The following ROBO2 variants were observed in gnomAD, a reference collection of about 807,000 sequenced individuals.
ROBO2 encodes the protein roundabout homolog 2.
ROBO2 carries 53 observed loss-of-function variants against 160.8 expected under a neutral mutation model. That is an observed-to-expected ratio of 0.33 (90% CI 0.26 to 0.41). ROBO2 has a LOEUF of 0.41. Ranked by LOEUF, ROBO2 falls within the 10% of genes least tolerant of loss-of-function variation. ROBO2 has a pLI of 1.00. For synonymous variants in ROBO2, 664 were observed against 611.7 expected (o/e 1.09, Z -1.26); for missense variants, 1,577 against 1,722.4 (o/e 0.92, Z 1.49).
At chr3:76,092,642 T>C (rs1221684191) in intron 2 of ROBO2, among the ~76,000 whole-genome samples, 1 of 152,182 alleles carries the variant, frequency 6.6e-6, no homozygotes. Flanking sequence ...CGAACTTGTT[T>C]CTGTTAGGAT....
At chr3:76,378,966 A>G (rs886092133) in intron 2 of ROBO2, among the ~76,000 whole-genome samples, 24 of 152,188 alleles carry the variant, frequency 1.6e-4, no homozygotes, top group African/African-American at 4.8e-4. Context: ...TTCTCACTAT[A>G]TTATCTAGGC....
intron 2 of ROBO2, among the ~76,000 whole-genome samples, chr3:77,216,019 C>T (rs1246827100): frequency 6.6e-6 from 1 of 152,260 alleles, no homozygotes; most frequent in Admixed American, 6.5e-5. Flanking sequence ...TTAGGCTACT[C>T]GGGGGTCAGG....
chr3:77,301,117 C>T (rs2062621200), intron 2 of ROBO2, among the ~76,000 whole-genome samples: 1 of 151,992 alleles, frequency 6.6e-6, no homozygotes, highest in African/African-American at 2.4e-5. Context: ...GATCCACCCA[C>T]CTTGGTCTCT....
chr3:77,642,931 G>C, intron 24 of ROBO2: 1 of 456,522 alleles, frequency 2.2e-6, no homozygotes, highest in South Asian at 1.5e-5. Flanking sequence ...ACACAAACAA[G>C]GTGTCGGATC....
chr3:76,257,983 CTT>C (rs1479396838), intron 2 of ROBO2, among the ~76,000 whole-genome samples: 3 of 152,046 alleles, frequency 2.0e-5, no homozygotes, highest in Non-Finnish European at 4.4e-5. Context: ...TATTGAGTCT[CTT>C]GAAAATTTTT....
chr3:77,203,268 A>C (rs1237131283), intron 2 of ROBO2, among the ~76,000 whole-genome samples: 1 of 152,160 alleles, frequency 6.6e-6, no homozygotes, highest in African/African-American at 2.4e-5. Context: ...CACACTTCTG[A>C]TTGTGTTGAC....
chr3:76,650,481 C>CTTTTTT (rs67171130), intron 2 of ROBO2, among the ~76,000 whole-genome samples: 3 of 146,728 alleles, frequency 2.0e-5, no homozygotes, highest in African/African-American at 2.5e-5. Flanking sequence ...CCTTCTTTCT[C>CTTTTTT]TTTTTTTTTT....
rs1274143178 is a variant in ROBO2, at chr3:77,562,807, G to A, written c.1519+75G>A. ...TCAATATCAAATAATAAGTTAAGGG[G>A]GGATCAAAGTGTTTAATTCACTGAA... On this transcript the variant is annotated intron_variant, in intron 10 of 25. Transcript: ENST00000461745. 1.2e-5 allele frequency: 13 copies of A among 1,058,382 alleles called. No homozygotes were observed. In the South Asian group the frequency reaches 1.4e-4, roughly 12 times the overall value. The allele number at this position is 1,058,382 out of a possible 1,614,324, so 65.6% of individuals were successfully genotyped here.
At chr3:77,410,675 CTCCTCCTCCTCT>C (rs1388866158) in intron 2 of ROBO2, among the ~76,000 whole-genome samples, 28 of 136,998 alleles carry the variant, frequency 2.0e-4, no homozygotes, top group African/African-American at 6.6e-4. Flanking sequence ...CCTCCTCTTC[CTCCTCCTCCTCT>C]TCCTCCTCCT....
Position 76,452,805 on chromosome 3 carries a change from T to C in ROBO2, c.109+515203T>C, listed in dbSNP as rs2077544018. ...CAGTCCCACCAACAGTGTAAAAGTG[T>C]TCCTATTTCTCCACATCCTCTCCAG... On this transcript the variant is annotated intron_variant, in intron 2 of 26. Transcript: ENST00000487694. 2.0e-5 allele frequency among the ~76,000 whole-genome samples: 3 copies of C among 151,874 alleles called. No homozygotes were observed. In the South Asian group the frequency reaches 6.2e-4, roughly 31 times the overall value.
intron 2 of ROBO2, among the ~76,000 whole-genome samples, chr3:77,199,620 ATTTTT>A (rs66672194): frequency 0.3 from 35,708 of 117,684 alleles, 3,383 homozygotes; most frequent in Middle Eastern, 0.48. Context: ...CTCAGTCACC[ATTTTT>A]TTTTTTTTTT....
At chr3:76,197,524 T>A (rs1426441299) in intron 2 of ROBO2, among the ~76,000 whole-genome samples, 2 of 152,210 alleles carry the variant, frequency 1.3e-5, no homozygotes, top group Non-Finnish European at 2.9e-5. Flanking sequence ...GGAGTGATAA[T>A]CCACCGAGTT....
intron 2 of ROBO2, among the ~76,000 whole-genome samples, chr3:76,615,145 T>C (rs887531576): frequency 6.6e-6 from 1 of 152,192 alleles, no homozygotes; most frequent in Admixed American, 6.5e-5. Flanking sequence ...GATAGTTTTT[T>C]ATGTTATTAT....
chr3:76,691,721 G>A (rs1489171136), intron 2 of ROBO2, among the ~76,000 whole-genome samples: 1 of 152,140 alleles, frequency 6.6e-6, no homozygotes, highest in East Asian at 1.9e-4. Context: ...AGAGAGAACA[G>A]AGTGACTTGC....
At chr3:76,174,264 A>G (rs1482542099) in intron 2 of ROBO2, among the ~76,000 whole-genome samples, 1 of 151,760 alleles carries the variant, frequency 6.6e-6, no homozygotes, top group East Asian at 1.9e-4. Context: ...TGGATTTTAG[A>G]CCTTTGTCAG....
At chr3:76,766,629 G>T (rs1030031941) in intron 2 of ROBO2, among the ~76,000 whole-genome samples, 1 of 151,664 alleles carries the variant, frequency 6.6e-6, no homozygotes, top group Non-Finnish European at 1.5e-5. Flanking sequence ...TGTGGACAAT[G>T]TGCTGTCCCA....
chr3:77,190,116 T>C (rs538574610), intron 2 of ROBO2, among the ~76,000 whole-genome samples: 1 of 151,972 alleles, frequency 6.6e-6, no homozygotes, highest in Non-Finnish European at 1.5e-5. Context: ...TCTGTAGTAA[T>C]ATAGTATTTT....
intron 2 of ROBO2, among the ~76,000 whole-genome samples, chr3:77,260,533 C>A (rs186982580): frequency 1.3e-5 from 2 of 152,258 alleles, no homozygotes; most frequent in Non-Finnish European, 2.9e-5. Flanking sequence ...GTGATTCAAG[C>A]AGATTCATGG....
At chr3:76,224,818 A>G (rs1035183277) in intron 2 of ROBO2, among the ~76,000 whole-genome samples, 2 of 152,100 alleles carry the variant, frequency 1.3e-5, no homozygotes, top group Non-Finnish European at 2.9e-5. Context: ...CACTTCAATC[A>G]TCCTGGCATT....
Sources: gnomAD v4.1 joint callset for allele counts (sites outside exome capture counted in the v4.1 genomes callset) on GRCh38, gnomAD v4.1.1 for gene constraint, MANE v1.5 for transcripts, NCBI Gene and HGNC (gene_info 2026-07-23, HGNC 2026-07-21) for gene names.